Variants in GPC5 observed in about 807,000 individuals in gnomAD.
GPC5 encodes glypican 5.
Under a neutral mutation model 53.9 loss-of-function variants are expected in GPC5, and 47 were observed. The ratio of observed to expected loss-of-function variants is 0.87; its 90% CI spans 0.69 to 1.11. The LOEUF (loss-of-function observed/expected upper bound fraction) is 1.11. Ranked by LOEUF, GPC5 falls within the 50% of genes most tolerant of loss-of-function variation. GPC5 has a pLI of 0.00. For synonymous variants in GPC5, 286 were observed against 263.3 expected, an observed-to-expected ratio of 1.09 and a Z score of -0.84; for missense variants, 748 against 713.1, an observed-to-expected ratio of 1.05 and a Z score of -0.56.
intron 7 of GPC5, among the ~76,000 whole-genome samples, chr13:92,766,647 A>T (rs1482536674): frequency 2.0e-5 from 3 of 152,240 alleles, no homozygotes; most frequent in African/African-American, 7.2e-5. Flanking sequence ...AAGACATATT[A>T]GTCAGACTTC....
chr13:92,153,295 A>AG (rs1411323716), intron 7 of GPC5, among the ~76,000 whole-genome samples: 1 of 151,828 alleles, frequency 6.6e-6, no homozygotes, highest in Admixed American at 6.6e-5. Flanking sequence ...CACCCAGCTA[A>AG]TTTTTGGGTT....
At chr13:92,430,888 C>T (rs1319398814) in intron 7 of GPC5, among the ~76,000 whole-genome samples, 1 of 151,902 alleles carries the variant, frequency 6.6e-6, no homozygotes, top group Non-Finnish European at 1.5e-5. Context: ...TTTGTTTTTT[C>T]AATGATATAA....
At chr13:92,804,121 T>C (rs757998037) in intron 7 of GPC5, among the ~76,000 whole-genome samples, 1 of 152,012 alleles carries the variant, frequency 6.6e-6, no homozygotes, top group Non-Finnish European at 1.5e-5. Flanking sequence ...ATTACTTATA[T>C]GAAGCATCCT....
chr13:92,025,915 G>A (rs1443090810), intron 6 of GPC5, among the ~76,000 whole-genome samples: 1 of 152,044 alleles, frequency 6.6e-6, no homozygotes, highest in East Asian at 1.9e-4. Flanking sequence ...TGAATGTCTT[G>A]ATTCTTGGGC....
chr13:91,468,920 C>T (rs1018919521), intron 2 of GPC5, among the ~76,000 whole-genome samples: 1 of 142,358 alleles, frequency 7.0e-6, no homozygotes, highest in Non-Finnish European at 1.5e-5. Flanking sequence ...TTCTGTTACT[C>T]AGGCTGGATT....
At chr13:91,582,649 T>C (rs756075451) in intron 2 of GPC5, among the ~76,000 whole-genome samples, 32 of 152,176 alleles carry the variant, frequency 2.1e-4, no homozygotes, top group Non-Finnish European at 4.1e-4. Context: ...ATTTCCCACT[T>C]TGAAAGATCA....
intron 7 of GPC5, among the ~76,000 whole-genome samples, chr13:92,573,429 A>T (rs1326510928): frequency 2.6e-5 from 4 of 152,202 alleles, no homozygotes; most frequent in Non-Finnish European, 5.9e-5. Context: ...TACTCCAGAG[A>T]CAAGAAGCAG....
At chr13:92,514,641 G>A (rs2138958020) in intron 7 of GPC5, among the ~76,000 whole-genome samples, 1 of 152,278 alleles carries the variant, frequency 6.6e-6, no homozygotes, top group Admixed American at 6.5e-5. Context: ...GCCTCCATTT[G>A]CCCAATCCAG....
At position 91,887,528 on chromosome 13, in the gene GPC5, C is replaced by T. The variant is rs555529131; in HGVS notation, c.1281-20409C>T. Among the ~76,000 whole-genome samples, 15 of 152,318 alleles carry T rather than the reference C, an allele frequency of 9.8e-5. No individual in the cohort carries two copies. The East Asian group carries it at 2.9e-3, about 29-fold the overall frequency. ...AATTTCTCCCCAGAAAGTGGATTTT[C>T]TTTTCTCTTGCATTGTGACGCTGCA... On this transcript the variant is annotated intron_variant, in intron 5 of 7. Coordinates refer to ENST00000377067, the MANE Select transcript of GPC5 (RefSeq NM_004466.6).
chr13:91,488,014 A>G (rs534802025), intron 2 of GPC5, among the ~76,000 whole-genome samples: 3 of 152,244 alleles, frequency 2.0e-5, no homozygotes, highest in Admixed American at 6.5e-5. Context: ...ACTTGGAGAA[A>G]ATGCATTATA....
chr13:91,821,418 C>CT (rs1042276352), intron 5 of GPC5, among the ~76,000 whole-genome samples: 1 of 152,138 alleles, frequency 6.6e-6, no homozygotes, highest in Non-Finnish European at 1.5e-5. Context: ...CTCTTCCCCA[C>CT]TTTTTTCAAT....
At chr13:92,854,386 A>G (rs922085796) in intron 7 of GPC5, among the ~76,000 whole-genome samples, 29 of 149,598 alleles carry the variant, frequency 1.9e-4, no homozygotes, top group African/African-American at 6.8e-4. Context: ...TATTAAATAT[A>G]TATTTATTGA....
chr13:92,483,306 G>A (rs1036068167), intron 7 of GPC5, among the ~76,000 whole-genome samples: 5 of 152,156 alleles, frequency 3.3e-5, no homozygotes, highest in Admixed American at 3.3e-4. Context: ...CCCACCTAAG[G>A]CTACATGGTG....
chr13:92,030,275 C>G (rs539479162), intron 6 of GPC5, among the ~76,000 whole-genome samples: 24 of 152,264 alleles, frequency 1.6e-4, no homozygotes, highest in African/African-American at 4.8e-4. Flanking sequence ...TCATGAATTT[C>G]CTGTTCCAAT....
intron 7 of GPC5, among the ~76,000 whole-genome samples, chr13:92,388,720 TATC>T (rs919977639): frequency 1.3e-5 from 2 of 152,098 alleles, no homozygotes; most frequent in African/African-American, 4.8e-5. Context: ...GATTGGTTAT[TATC>T]AGCAAGCAAA....
intron 6 of GPC5, among the ~76,000 whole-genome samples, chr13:92,108,170 A>G (rs2041525115): frequency 6.6e-6 from 1 of 152,010 alleles, no homozygotes; most frequent in Non-Finnish European, 1.5e-5. Context: ...TTTTCTTGAA[A>G]TTCCTTCATT....
At chr13:92,414,545 T>C (rs1407120451) in intron 7 of GPC5, among the ~76,000 whole-genome samples, 2 of 151,320 alleles carry the variant, frequency 1.3e-5, no homozygotes, top group Non-Finnish European at 2.9e-5. Context: ...GAAGGGGAAG[T>C]ACAGAGTGCT....
At chr13:92,148,759 A>G (rs552199158) in intron 7 of GPC5, among the ~76,000 whole-genome samples, 7 of 152,176 alleles carry the variant, frequency 4.6e-5, no homozygotes, top group African/African-American at 1.4e-4. Context: ...TCTAAACACA[A>G]CTGGAAAAAA....
At chr13:91,782,550 G>T in intron 5 of GPC5, among the ~76,000 whole-genome samples, 1 of 152,134 alleles carries the variant, frequency 6.6e-6, no homozygotes. Flanking sequence ...TGGGGGAACC[G>T]CCCCCATGAT....
Sources: gnomAD v4.1 joint callset for allele counts (sites outside exome capture counted in the v4.1 genomes callset) on GRCh38, gnomAD v4.1.1 for gene constraint, MANE v1.5 for transcripts, NCBI Gene and HGNC (gene_info 2026-07-23, HGNC 2026-07-21) for gene names.